Variants in LUZP2 observed in about 807,000 individuals in gnomAD.
The protein encoded by LUZP2 is leucine zipper protein 2.
Under a neutral mutation model 51.6 loss-of-function variants are expected in LUZP2, and 52 were observed. The observed-to-expected ratio is 1.01, with a 90% CI of 0.81 to 1.27. The LOEUF (loss-of-function observed/expected upper bound fraction) is 1.27, where lower values mean the gene tolerates loss of function less well. LUZP2 is among the 50% of genes most tolerant of loss of function. The probability of loss-of-function intolerance (pLI) is 0.00; values close to 1 mark genes in which losing one functional copy is unlikely to be tolerated. For missense variants in LUZP2, 436 were observed against 395.4 expected, an observed-to-expected ratio of 1.10 and a Z score of -0.87; for synonymous variants, 154 against 137.3, an observed-to-expected ratio of 1.12 and a Z score of -0.85.
chr11:24,956,638 A>T (rs959502062), intron 7 of LUZP2, among the ~76,000 whole-genome samples: 2 of 152,100 alleles, frequency 1.3e-5, no homozygotes, highest in Non-Finnish European at 2.9e-5. Flanking sequence ...CTCATAAATG[A>T]GTCATAGGTG....
At chr11:24,541,584 G>A (rs988978610) in intron 1 of LUZP2, among the ~76,000 whole-genome samples, 1 of 152,048 alleles carries the variant, frequency 6.6e-6, no homozygotes, top group Non-Finnish European at 1.5e-5. Flanking sequence ...TGAATTCTCA[G>A]CTTGAGATTT....
chr11:24,865,507 C>T (rs181742588), intron 5 of LUZP2, among the ~76,000 whole-genome samples: 7 of 152,138 alleles, frequency 4.6e-5, no homozygotes, highest in African/African-American at 1.2e-4. Flanking sequence ...TTTAAAAATC[C>T]CTGGCTTGCC....
chr11:24,887,076 T>C (rs1418769863), intron 5 of LUZP2, among the ~76,000 whole-genome samples: 1 of 152,194 alleles, frequency 6.6e-6, no homozygotes, highest in Non-Finnish European at 1.5e-5. Flanking sequence ...TTGGCTCTTG[T>C]CTGACCTGTT....
intron 1 of LUZP2, among the ~76,000 whole-genome samples, chr11:24,716,277 A>T (rs2133941678): frequency 6.6e-6 from 1 of 152,164 alleles, no homozygotes; most frequent in East Asian, 1.9e-4. Flanking sequence ...TCATGGCACT[A>T]CTCCAGAGCT....
intron 5 of LUZP2, among the ~76,000 whole-genome samples, chr11:24,796,956 A>G (rs1348856287): frequency 6.6e-6 from 1 of 152,106 alleles, no homozygotes; most frequent in Non-Finnish European, 1.5e-5. Context: ...GAGACAACAA[A>G]GCATGGTGGA....
rs1267747541 is a variant in LUZP2 at position 24,611,175 on chromosome 11, A to G, written c.62+113870A>G. 6.6e-6 allele frequency among the ~76,000 whole-genome samples: 1 copy of G among 152,014 alleles called. No individual in the cohort carries two copies. Among genetic ancestry groups the G allele is most frequent in the East Asian group, 1.9e-4 (1 of 5,180 alleles). ...CTTGTGAAGTTAAAATGTTTATATT[A>G]TTCATTCAAAAATAGTCAACTTTTA... On this transcript the variant is annotated intron_variant, in intron 1 of 11. Transcript: ENST00000336930. The surrounding 1 kb of genome is among the most constrained non-coding windows in gnomAD (Gnocchi z 4.6).
chr11:24,510,516 C>A (rs1459315124), intron 1 of LUZP2, among the ~76,000 whole-genome samples: 1 of 152,126 alleles, frequency 6.6e-6, no homozygotes, highest in African/African-American at 2.4e-5. Flanking sequence ...AAATTTAGTT[C>A]TCTCACACAT....
intron 7 of LUZP2, among the ~76,000 whole-genome samples, chr11:24,939,218 A>G (rs1854675705): frequency 1.3e-5 from 2 of 152,168 alleles, no homozygotes; most frequent in Admixed American, 6.5e-5. Flanking sequence ...CGGACTTCTA[A>G]AAAAGTGCAC....
intron 5 of LUZP2, among the ~76,000 whole-genome samples, chr11:24,815,973 G>T (rs372961084): frequency 6.8e-6 from 1 of 147,634 alleles, no homozygotes; most frequent in East Asian, 2.0e-4. Context: ...TTGTATTAGT[G>T]CATCTCTTTC....
chr11:24,835,356 C>G (rs1264418541), intron 5 of LUZP2, among the ~76,000 whole-genome samples: 1 of 152,180 alleles, frequency 6.6e-6, no homozygotes, highest in East Asian at 1.9e-4. Context: ...CATAAAAACC[C>G]TAAAAGAAAA....
In LUZP2 at chr11:24,619,791, T is replaced by C. The variant is rs34136659; in HGVS notation, c.63-109378T>C. On this transcript the variant is annotated intron_variant, in intron 1 of 11. Coordinates refer to ENST00000336930, the MANE Select transcript of LUZP2 (RefSeq NM_001009909.4). ...AGTGTAAATATTTGTTATACTGCATTGTTTAGGGAATAATAATAAGAAAAA... is the reference window on the plus strand; with the variant it reads ...AGTGTAAATATTTGTTATACTGCATCGTTTAGGGAATAATAATAAGAAAAA... 5.9e-3 allele frequency among the ~76,000 whole-genome samples: 903 copies of C among 152,244 alleles called. 7 individuals carry two copies. The highest frequency in any genetic ancestry group is 0.018 in the South Asian group (88 of 4,820).
intron 5 of LUZP2, chr11:24,785,979 C>G (rs1849234938): frequency 7.1e-6 from 7 of 985,224 alleles, no homozygotes; most frequent in African/African-American, 1.7e-5. Flanking sequence ...TTTGGACTTA[C>G]AAGCTTCACA....
chr11:24,785,361 A>G (rs775033274), intron 5 of LUZP2, among the ~76,000 whole-genome samples: 1 of 152,040 alleles, frequency 6.6e-6, no homozygotes, highest in South Asian at 2.1e-4. Flanking sequence ...TAGCAGGTGG[A>G]TTTATGATTA....
chr11:24,653,294 T>A (rs542753934), intron 1 of LUZP2, among the ~76,000 whole-genome samples: 5 of 152,160 alleles, frequency 3.3e-5, no homozygotes, highest in Non-Finnish European at 7.4e-5. Flanking sequence ...CCGAATTGAA[T>A]GTTGGGAGTG....
chr11:25,043,614 A>G (rs1348591997), intron 9 of LUZP2, among the ~76,000 whole-genome samples: 2 of 151,650 alleles, frequency 1.3e-5, no homozygotes, highest in African/African-American at 4.8e-5. Context: ...AAATTACTCC[A>G]TCTTCTAGTA....
At chr11:24,503,954 A>AGTTGAAGCG (rs1394906503) in intron 1 of LUZP2, among the ~76,000 whole-genome samples, 1 of 152,214 alleles carries the variant, frequency 6.6e-6, no homozygotes, top group Non-Finnish European at 1.5e-5. Flanking sequence ...AGTAATAAGC[A>AGTTGAAGCG]GTTGAACATC....
In LUZP2 at chr11:24,688,276, G is replaced by A. The variant is rs372565727; in HGVS notation, c.63-40893G>A. On this transcript the variant is annotated intron_variant, in intron 1 of 11. Coordinates refer to ENST00000336930, the MANE Select transcript of LUZP2 (RefSeq NM_001009909.4). ...CAAGAACCCAGTTACCATTGTGATC[G>A]TCATCTTACTAATAAAAGAAACAAA... 3.1e-3 allele frequency among the ~76,000 whole-genome samples: 469 copies of A among 152,124 alleles called. 4 individuals carry two copies. The highest frequency in any genetic ancestry group is 0.01 in the African/African-American group (430 of 41,506).
At chr11:24,956,084 G>A (rs1855201592) in intron 7 of LUZP2, among the ~76,000 whole-genome samples, 1 of 151,886 alleles carries the variant, frequency 6.6e-6, no homozygotes, top group Non-Finnish European at 1.5e-5. Context: ...GAAACAAATG[G>A]AATTTATGAC....
intron 9 of LUZP2, among the ~76,000 whole-genome samples, chr11:25,015,893 A>ATTT (rs1178950711): frequency 7.2e-6 from 1 of 139,322 alleles, no homozygotes; most frequent in African/African-American, 3.0e-5. Context: ...TGAAGTGTGA[A>ATTT]TTTCTTTTTT....
Sources: allele counts gnomAD v4.1 joint callset (sites outside exome capture counted in the v4.1 genomes callset), GRCh38; gene constraint gnomAD v4.1.1; non-coding constraint Gnocchi (gnomAD v3.1); transcripts MANE v1.5; gene names NCBI Gene and HGNC (gene_info 2026-07-23, HGNC 2026-07-21).